SLC38A1: variants seen among roughly 807,000 people sequenced by gnomAD.
The protein encoded by SLC38A1 is solute carrier family 38 member 1.
SLC38A1 carries 18 observed loss-of-function variants against 60.3 expected under a neutral mutation model. The observed-to-expected ratio is 0.30, with a 90% CI of 0.21 to 0.44. SLC38A1 has a LOEUF of 0.44. SLC38A1 is among the 20% of genes least tolerant of loss of function. The probability of loss-of-function intolerance (pLI) is 1.00; values close to 1 mark genes in which losing one functional copy is unlikely to be tolerated. For synonymous variants in SLC38A1, 196 were observed against 212.1 expected (o/e 0.92, Z 0.66); for missense variants, 448 against 587.2 (o/e 0.76, Z 2.45).
chr12:46,209,057 T>C lies in SLC38A1; in HGVS notation c.385A>G (p.Thr129Ala), dbSNP rs774861110. 10 of 1,606,430 alleles carry C rather than the reference T, an allele frequency of 6.2e-6. No homozygotes were observed. The highest frequency in any genetic ancestry group is 1.1e-5 in the South Asian group (1 of 89,510). ...ATCAAACACGTCCTCAGCTTACCTG[T>C]TTCTTTTGAACAGATCAATAGGAGG... ...INLLLICSKE[T>A]GCMVYEKLGE... The change falls in exon 6 of 17, where the codon ACA (threonine) becomes GCA (alanine). Residue 129 changes from threonine (T) to alanine (A), a missense_variant. Thr to Ala is a moderately conservative substitution (Grantham distance 58, BLOSUM62 0). Coordinates refer to ENST00000398637, the MANE Select transcript of SLC38A1 (RefSeq NM_030674.4).
At chr12:46,204,238 A>G in intron 11 of SLC38A1, 63 bp downstream of exon 11, 2 of 1,014,524 alleles carry the variant, frequency 2.0e-6, no homozygotes, top group Non-Finnish European at 3.1e-6. Context: ...AATTACAAGC[A>G]TGAGAAATAG....
intron 1 of SLC38A1, among the ~76,000 whole-genome samples, chr12:46,255,141 GTCAAA>G (rs1237480900): frequency 6.6e-6 from 1 of 152,134 alleles, no homozygotes; most frequent in African/African-American, 2.4e-5. Context: ...TAGAACATCT[GTCAAA>G]GTCCTATTGT....
At chr12:46,210,194 G>C (rs565991813) in intron 5 of SLC38A1, among the ~76,000 whole-genome samples, 1 of 152,288 alleles carries the variant, frequency 6.6e-6, no homozygotes, top group African/African-American at 2.4e-5. Context: ...CAACTCCTCA[G>C]TTGCCTTCCC....
chr12:46,249,924 T>TA (rs1941774375), intron 1 of SLC38A1, among the ~76,000 whole-genome samples: 1 of 152,198 alleles, frequency 6.6e-6, no homozygotes, highest in African/African-American at 2.4e-5. Context: ...GAGGAGCTGG[T>TA]ACCATTCCTC....
chr12:46,201,056 T>C (rs561126532), intron 13 of SLC38A1, 42 bp downstream of exon 13: 10 of 1,358,340 alleles, frequency 7.4e-6, no homozygotes, highest in East Asian at 2.4e-5. Flanking sequence ...TACTAATTTG[T>C]TTACAAATAT....
At chr12:46,240,227 GC>G (rs1313842267) in intron 2 of SLC38A1, among the ~76,000 whole-genome samples, 8 of 152,120 alleles carry the variant, frequency 5.3e-5, no homozygotes, top group Admixed American at 5.2e-4. Flanking sequence ...ATGGAGTCTC[GC>G]TCTTGTTGCC....
At chr12:46,199,352 TG>T in intron 13 of SLC38A1, among the ~76,000 whole-genome samples, 2 of 144,342 alleles carry the variant, frequency 1.4e-5, no homozygotes, top group South Asian at 2.2e-4. Context: ...TGTGTGTGTG[TG>T]TGTGTGTTGA....
At chr12:46,263,153 T>C (rs1005592920) in intron 1 of SLC38A1, among the ~76,000 whole-genome samples, 30 of 152,122 alleles carry the variant, frequency 2.0e-4, no homozygotes, top group African/African-American at 7.0e-4. Context: ...TCTGACTTAA[T>C]TGGTATAGGA....
At chr12:46,267,887 C>G (rs1052397950) in intron 1 of SLC38A1, among the ~76,000 whole-genome samples, 2 of 152,234 alleles carry the variant, frequency 1.3e-5, no homozygotes, top group Non-Finnish European at 2.9e-5. Context: ...CTCTTCAGGG[C>G]AGGAAAGGAC....
At chr12:46,253,260 G>A (rs1285164161) in intron 1 of SLC38A1, among the ~76,000 whole-genome samples, 1 of 152,192 alleles carries the variant, frequency 6.6e-6, no homozygotes. Flanking sequence ...TGGATCTCAG[G>A]AAAGAAAGAA....
intron 5 of SLC38A1, among the ~76,000 whole-genome samples, chr12:46,215,804 T>A (rs1418673663): frequency 6.6e-6 from 1 of 152,184 alleles, no homozygotes; most frequent in Non-Finnish European, 1.5e-5. Context: ...AGTATAAAAC[T>A]TTTACTATCC....
At chr12:46,247,613 A>T (rs1165174095) in intron 1 of SLC38A1, among the ~76,000 whole-genome samples, 1 of 152,244 alleles carries the variant, frequency 6.6e-6, no homozygotes, top group Non-Finnish European at 1.5e-5. Context: ...AACACTCTTC[A>T]GGATATTGTT....
At chr12:46,261,348 C>T (rs1482320524) in intron 1 of SLC38A1, among the ~76,000 whole-genome samples, 2 of 152,170 alleles carry the variant, frequency 1.3e-5, no homozygotes, top group Non-Finnish European at 2.9e-5. Flanking sequence ...GTGTAGATTA[C>T]TCACTGGCTT....
chr12:46,187,209 G>C lies in SLC38A1; in HGVS notation c.*1761C>G, dbSNP rs1016045601. 7 of 152,200 alleles carry C rather than the reference G, an allele frequency of 4.6e-5. No individual in the cohort carries two copies. Among genetic ancestry groups the C allele is most frequent in the African/African-American group, 1.7e-4 (7 of 41,444 alleles). The allele number at this position is 152,200 out of a possible 1,614,324, so 9.4% of individuals were successfully genotyped here. A position where few individuals can be genotyped will look rare whatever the true frequency, so the allele number is the denominator to read the frequency against. ...CAATGCCTGCCTTATCTATGGGACA[G>C]TAGTGTGATTCTCAGTGAGAGTGAA... On this transcript the variant is annotated 3_prime_UTR_variant, in exon 17 of 17. Coordinates refer to ENST00000398637, the MANE Select transcript of SLC38A1 (RefSeq NM_030674.4).
chr12:46,189,936 G>T (rs1939074699), intron 16 of SLC38A1, among the ~76,000 whole-genome samples: 1 of 151,720 alleles, frequency 6.6e-6, no homozygotes, highest in South Asian at 2.1e-4. Context: ...CCTGTCTCAG[G>T]TATTTTTTTT....
chr12:46,192,908 AG>A (rs1162857724), intron 16 of SLC38A1, among the ~76,000 whole-genome samples: 1 of 152,074 alleles, frequency 6.6e-6, no homozygotes, highest in Non-Finnish European at 1.5e-5. Flanking sequence ...GATTTTTTGA[AG>A]GGTTTTTGTA....
At chr12:46,246,375 G>T (rs1941618200) in intron 1 of SLC38A1, among the ~76,000 whole-genome samples, 1 of 152,254 alleles carries the variant, frequency 6.6e-6, no homozygotes. Flanking sequence ...GGATCGGCAG[G>T]TCCCATGCCC....
At position 46,204,357 on chromosome 12, in the gene SLC38A1, C is replaced by A. The variant is rs1939795900; in HGVS notation, c.766G>T (p.Ala256Ser). Residue 256 changes from alanine to serine, a missense_variant, in exon 11 of 17, where the codon GCT becomes TCT. Ala to Ser is a moderately conservative substitution (Grantham distance 99). Coordinates refer to ENST00000398637, the MANE Select transcript of SLC38A1 (RefSeq NM_030674.4). Reference protein sequence around the residue: ...IVPELNSTISANSTNADTCTP... With the variant: ...IVPELNSTISSNSTNADTCTP... ...CACGTGTCAGCATTTGTTGAATTAGCACTTATTGTTGAATTTAGCTCTGGA... is the reference window on the plus strand; with the variant it reads ...CACGTGTCAGCATTTGTTGAATTAGAACTTATTGTTGAATTTAGCTCTGGA... 6.2e-7 allele frequency: 1 copy of A among 1,613,734 alleles called. No homozygotes were observed.
chr12:46,243,706 T>A (rs1267634542), intron 1 of SLC38A1, among the ~76,000 whole-genome samples: 1 of 152,180 alleles, frequency 6.6e-6, no homozygotes, highest in Non-Finnish European at 1.5e-5. Context: ...ATACGATTAA[T>A]TAAAAGGCAG....
Sources: gnomAD v4.1 joint callset for allele counts (sites outside exome capture counted in the v4.1 genomes callset) on GRCh38, gnomAD v4.1.1 for gene constraint, MANE v1.5 for transcripts, NCBI Gene and HGNC (gene_info 2026-07-23, HGNC 2026-07-21) for gene names.